OTOA: variants seen among roughly 807,000 people sequenced by gnomAD.
OTOA encodes cancer/testis antigen 108.
Under a neutral mutation model 110.8 loss-of-function variants are expected in OTOA, and 70 were observed. The ratio of observed to expected loss-of-function variants is 0.63; its 90% CI spans 0.52 to 0.77. The LOEUF is 0.77. Among genes scored for constraint, OTOA ranks in the 30% least tolerant of loss-of-function variants. OTOA has a pLI of 0.00. For synonymous variants in OTOA, 373 were observed against 431.5 expected (o/e 0.86, Z 1.68); for missense variants, 917 against 1,075.8 (o/e 0.85, Z 2.06).
At chr16:21,717,352 G>A (rs562963896) in intron 15 of OTOA, among the ~76,000 whole-genome samples, 3 of 152,164 alleles carry the variant, frequency 2.0e-5, no homozygotes, top group Admixed American at 6.5e-5. Context: ...GAGACAGGAG[G>A]ATCACATGAG....
intron 10 of OTOA, among the ~76,000 whole-genome samples, chr16:21,700,372 C>G (rs955293775): frequency 8.5e-5 from 13 of 152,048 alleles, no homozygotes; most frequent in African/African-American, 2.9e-4. Flanking sequence ...TAATTCTTTC[C>G]TAAAGAATAG....
intron 21 of OTOA, among the ~76,000 whole-genome samples, chr16:21,731,201 G>A (rs1899104788): frequency 6.6e-6 from 1 of 152,188 alleles, no homozygotes; most frequent in Non-Finnish European, 1.5e-5. Flanking sequence ...TCTGCTATTA[G>A]TGTGCATCTC....
chr16:21,710,048 G>T lies in OTOA; in HGVS notation c.1265G>T (p.Gly422Val), dbSNP rs200689333. Residue 422 changes from glycine (G) to valine (V), a missense_variant, in exon 13 of 29, where the codon GGT becomes GTT. Around this residue, in one of 6 missense-constraint regions of OTOA, gnomAD observed 840 missense variants for 910.2 expected, o/e 0.92. Coordinates refer to ENST00000646100, the MANE Select transcript of OTOA (RefSeq NM_144672.4). ...GAISTLNQVS[G>V]WAKSQVIILS... ...ATCTCCACCCTCAACCAGGTCTCAG[G>T]TTGGGCCAAGAGCCAGGTCATCATC... The T allele has an allele frequency of 2.0e-5, 32 of 1,614,068 alleles. No homozygotes were observed. In the East Asian group the frequency reaches 4.0e-4, roughly 20 times the overall value.
chr16:21,693,300 C>T (rs1897870639), intron 9 of OTOA, among the ~76,000 whole-genome samples: 1 of 151,904 alleles, frequency 6.6e-6, no homozygotes, highest in African/African-American at 2.4e-5. Flanking sequence ...AACAAAACAG[C>T]GATAGAAAAG....
At position 21,679,008 on chromosome 16, in the gene OTOA, T is replaced by C. The variant is rs367724540; in HGVS notation, c.121-28T>C. 2.0e-5 allele frequency: 33 copies of C among 1,613,944 alleles called. No individual in the cohort carries two copies. In the African/African-American group the frequency reaches 4.1e-4, roughly 20 times the overall value. ...TGGAATTGCCAACTTTTGGTTGTTA[T>C]ACTTGATGTTATCTCTTTGCCTTTT... is the stretch of plus-strand genomic sequence containing the variant. On this transcript the variant is annotated intron_variant, in intron 3 of 28. Transcript: ENST00000646100.
intron 6 of OTOA, chr16:21,684,508 G>C (rs1039478920): frequency 1.3e-6 from 2 of 1,550,146 alleles, no homozygotes; most frequent in South Asian, 2.4e-5. Flanking sequence ...CCTGGACAAA[G>C]GCCAGCTGCT....
intron 18 of OTOA, among the ~76,000 whole-genome samples, chr16:21,724,935 C>G (rs1002586270): frequency 2.6e-5 from 4 of 152,036 alleles, no homozygotes; most frequent in Non-Finnish European, 2.9e-5. Flanking sequence ...CGCCACCACG[C>G]CTGGCTAATT....
At chr16:21,694,505 AGGTGATGG>A (rs1324990200) in intron 9 of OTOA, among the ~76,000 whole-genome samples, 1 of 152,186 alleles carries the variant, frequency 6.6e-6, no homozygotes, top group African/African-American at 2.4e-5. Flanking sequence ...GTATAAAAAC[AGGTGATGG>A]GCTGAGTTTG....
At chr16:21,697,969 G>A in intron 10 of OTOA, 94 bp downstream of exon 10, 1 of 1,142,482 alleles carries the variant, frequency 8.8e-7, no homozygotes, top group South Asian at 1.3e-5. Flanking sequence ...GCCAGTCAAG[G>A]TGCCTTGGAA....
chr16:21,698,877 C>T (rs1897995257), intron 10 of OTOA, among the ~76,000 whole-genome samples: 1 of 152,126 alleles, frequency 6.6e-6, no homozygotes, highest in Admixed American at 6.6e-5. Flanking sequence ...CACTCATTTG[C>T]AACTTTTTAT....
chr16:21,709,299 T>G (rs1898283695), intron 12 of OTOA, among the ~76,000 whole-genome samples: 1 of 152,018 alleles, frequency 6.6e-6, no homozygotes, highest in Non-Finnish European at 1.5e-5. Context: ...TGGTGGTGGG[T>G]GCCTGTAATC....
chr16:21,705,973 C>T (rs773803854), intron 12 of OTOA, among the ~76,000 whole-genome samples: 5 of 151,616 alleles, frequency 3.3e-5, no homozygotes, highest in Non-Finnish European at 5.9e-5. Flanking sequence ...GCCTATAGTG[C>T]CAGCTACTTG....
chr16:21,716,249 C>G lies in OTOA; in HGVS notation c.1489-658C>G, dbSNP rs540175638. ...TTTTGACATCTTGCTCTATCAGGTC[C>G]GTTCTGTCCAATGGCAAAATCTGTT... On this transcript the variant is annotated intron_variant, in intron 14 of 28. Transcript: ENST00000646100. Among the ~76,000 whole-genome samples the G allele has an allele frequency of 6.0e-4, 91 of 151,720 alleles. 1 individual carries two copies. Among genetic ancestry groups the G allele is most frequent in the Non-Finnish European group, 1.0e-3 (69 of 67,914 alleles).
intron 6 of OTOA, chr16:21,684,687 GA>G (rs1368362885): frequency 6.3e-6 from 3 of 474,946 alleles, no homozygotes; most frequent in Non-Finnish European, 1.1e-5. Flanking sequence ...TTTTTCAAGA[GA>G]AGTTGGAAAT....
At chr16:21,675,279 G>T (rs1446469692) in intron 1 of OTOA, among the ~76,000 whole-genome samples, 1 of 134,006 alleles carries the variant, frequency 7.5e-6, no homozygotes, top group Non-Finnish European at 1.5e-5. Flanking sequence ...CTCCTGAGTA[G>T]CTGGGATTAC....
At chr16:21,701,939 TTCAA>T (rs1898061557) in intron 11 of OTOA, among the ~76,000 whole-genome samples, 1 of 136,556 alleles carries the variant, frequency 7.3e-6, no homozygotes, top group Non-Finnish European at 1.5e-5. Flanking sequence ...GCCTGGCCCA[TTCAA>T]TCCTGTTTTT....
At chr16:21,754,079 T>TA (rs201727711) in intron 27 of OTOA, among the ~76,000 whole-genome samples, 50 of 128,194 alleles carry the variant, frequency 3.9e-4, no homozygotes, top group East Asian at 2.6e-3. Context: ...TATATATATA[T>TA]TTTTTTCTAT....
intron 1 of OTOA, among the ~76,000 whole-genome samples, chr16:21,667,011 A>G (rs560312558): frequency 3.9e-5 from 6 of 152,302 alleles, no homozygotes; most frequent in Middle Eastern, 3.4e-3. Context: ...AATGGGGCCA[A>G]TGTCCCAGGG....
Position 21,681,767 on chromosome 16 carries a change from A to G in OTOA, c.209A>G (p.His70Arg), listed in dbSNP as rs1199835713. ...SSHVWTDDLS[H>R]RVLAYLNSRN... ...CACGTGTGGACGGATGACCTGTCCC[A>G]CAGAGTCCTGGCCTATCTGAATTCC... Residue 70 changes from histidine to arginine, a missense_variant, in exon 6 of 29, where the codon CAC becomes CGC. Transcript: ENST00000646100. 3 of 1,614,028 alleles carry G rather than the reference A, an allele frequency of 1.9e-6. No individual in the cohort carries two copies. Among genetic ancestry groups the G allele is most frequent in the East Asian group, 2.2e-5 (1 of 44,884 alleles).
Sources: gnomAD v4.1 joint callset for allele counts (sites outside exome capture counted in the v4.1 genomes callset) on GRCh38, gnomAD v4.1.1 for gene constraint, gnomAD v4.1.1 regional missense constraint, MANE v1.5 for transcripts, NCBI Gene and HGNC (gene_info 2026-07-23, HGNC 2026-07-21) for gene names.